Variants in CEP128 observed in about 807,000 individuals in gnomAD.
CEP128 encodes the protein centrosomal protein 128, also known as centrosomal protein 128kDa.
A neutral mutation model predicts 156.7 loss-of-function variants in CEP128; 132 were observed. The observed-to-expected ratio is 0.84, with a 90% CI of 0.73 to 0.97. CEP128 has a LOEUF of 0.97. Ranked by LOEUF, CEP128 falls within the 50% of genes least tolerant of loss-of-function variation. CEP128 has a pLI of 0.00. For synonymous variants in CEP128, 469 were observed against 448.9 expected, an observed-to-expected ratio of 1.04 and a Z score of -0.57; for missense variants, 1,252 against 1,281.9, an observed-to-expected ratio of 0.98 and a Z score of 0.36.
In CEP128 at chr14:80,845,770, T is replaced by C. The variant is rs567667694; in HGVS notation, c.763-5002A>G. Among the ~76,000 whole-genome samples, 82 of 152,314 alleles carry C rather than the reference T, an allele frequency of 5.4e-4. 2 individuals carry two copies. In the South Asian group the frequency reaches 0.017, roughly 31 times the overall value. ...CTAAGCCAATGAATAAGTCTATCTG[T>C]AGCAAAACGGTTTTTGTTTGTACAA... is the stretch of plus-strand genomic sequence containing the variant. On this transcript the variant is annotated intron_variant, in intron 9 of 24. Transcript: ENST00000555265.
At chr14:80,778,288 T>C (rs1413686184) in intron 15 of CEP128, among the ~76,000 whole-genome samples, 1 of 152,160 alleles carries the variant, frequency 6.6e-6, no homozygotes, top group African/African-American at 2.4e-5. Context: ...ATAACAGATA[T>C]GAATAGTAAG....
At chr14:80,914,236 T>G in intron 4 of CEP128, 86 bp downstream of exon 4, 1 of 904,678 alleles carries the variant, frequency 1.1e-6, no homozygotes, top group Admixed American at 1.9e-5. Context: ...AATGGTTTTT[T>G]CCTTTAGCTC....
intron 19 of CEP128, among the ~76,000 whole-genome samples, chr14:80,591,024 G>C (rs1595055326): frequency 1.3e-5 from 2 of 149,226 alleles, no homozygotes; most frequent in African/African-American, 4.9e-5. Context: ...ATACGGAAAG[G>C]AAAAACCAGT....
chr14:80,776,386 T>C (rs953320751), intron 16 of CEP128, among the ~76,000 whole-genome samples: 2 of 151,546 alleles, frequency 1.3e-5, no homozygotes, highest in African/African-American at 2.4e-5. Context: ...TTCAAGACTA[T>C]AGGCCTAAAT....
intron 23 of CEP128, 33 bp from the exon 24 acceptor site, chr14:80,505,053 T>G (rs945360146): frequency 4.1e-5 from 47 of 1,144,878 alleles, no homozygotes; most frequent in Non-Finnish European, 5.9e-5. Flanking sequence ...TTTCAATGAT[T>G]ACACAAGGTA....
intron 15 of CEP128, among the ~76,000 whole-genome samples, chr14:80,781,953 G>C (rs138202133): frequency 3.9e-5 from 6 of 152,280 alleles, no homozygotes; most frequent in Non-Finnish European, 8.8e-5. Flanking sequence ...ATAAGTACTA[G>C]TGAGAAGGAA....
intron 22 of CEP128, among the ~76,000 whole-genome samples, chr14:80,528,086 G>A (rs1208024461): frequency 6.6e-6 from 1 of 151,856 alleles, no homozygotes; most frequent in African/African-American, 2.4e-5. Context: ...CAAGCTAGAA[G>A]GGGTATTATA....
chr14:80,635,849 G>C (rs1027867153), intron 19 of CEP128, among the ~76,000 whole-genome samples: 13 of 152,160 alleles, frequency 8.5e-5, no homozygotes, highest in Non-Finnish European at 2.9e-5. Flanking sequence ...ATAGGCTGCA[G>C]TCAAAATGCA....
chr14:80,521,713 T>C (rs1292037375), intron 23 of CEP128, among the ~76,000 whole-genome samples: 1 of 152,202 alleles, frequency 6.6e-6, no homozygotes, highest in Non-Finnish European at 1.5e-5. Flanking sequence ...TTAGAAAGGC[T>C]GAAACTAGAA....
chr14:80,895,811 A>AAAAAG, intron 7 of CEP128, 21 bp from the exon 8 acceptor site: 1 of 1,479,342 alleles, frequency 6.8e-7, no homozygotes, highest in Non-Finnish European at 9.0e-7. Context: ...AAAAAAAAAA[A>AAAAAG]AGATTTAAAT....
rs557779397 is a variant in CEP128 at position 80,841,756 on chromosome 14, C to T, written c.763-988G>A. ...AGAGACAGGATATAGATTCTGGCTGCCTGCCTCTTAACAACTGAGGGCACT... is the reference window on the plus strand; with the variant it reads ...AGAGACAGGATATAGATTCTGGCTGTCTGCCTCTTAACAACTGAGGGCACT... On this transcript the variant is annotated intron_variant, in intron 9 of 24. Coordinates refer to ENST00000555265, the MANE Select transcript of CEP128 (RefSeq NM_152446.5). Among the ~76,000 whole-genome samples the T allele has an allele frequency of 9.2e-5, 14 of 151,998 alleles. No homozygotes were observed. In the South Asian group the frequency reaches 2.9e-3, roughly 32 times the overall value.
At chr14:80,914,590 C>G (rs1378359005) in intron 3 of CEP128, among the ~76,000 whole-genome samples, 182 bp from the exon 4 acceptor site, 2 of 152,152 alleles carry the variant, frequency 1.3e-5, no homozygotes, top group African/African-American at 4.8e-5. Context: ...GAGAGAAACT[C>G]AAATCCAACT....
At chr14:80,597,031 C>T (rs981945482) in intron 19 of CEP128, among the ~76,000 whole-genome samples, 6 of 149,562 alleles carry the variant, frequency 4.0e-5, no homozygotes, top group African/African-American at 1.5e-4. Flanking sequence ...AACAAAAAAC[C>T]AGCAAGCAGA....
intron 14 of CEP128, among the ~76,000 whole-genome samples, chr14:80,484,040 A>C (rs561358226): frequency 1.5e-3 from 234 of 152,226 alleles, no homozygotes; most frequent in African/African-American, 5.3e-3. Flanking sequence ...GCAGTGGCAC[A>C]ATCACAGCTC....
At position 80,698,575 on chromosome 14, in the gene CEP128, G is replaced by A. The variant is rs200328164; in HGVS notation, c.2806+44500C>T. 9.2e-5 allele frequency among the ~76,000 whole-genome samples: 14 copies of A among 152,146 alleles called. No individual in the cohort carries two copies. The East Asian group carries it at 2.5e-3, about 27-fold the overall frequency. ...TCAACTACTGAACTCAAAAGACTACGAAAAATGCAAATGCATAGATATTAA... is the reference window on the plus strand; with the variant it reads ...TCAACTACTGAACTCAAAAGACTACAAAAAATGCAAATGCATAGATATTAA... On this transcript the variant is annotated intron_variant, in intron 19 of 24. Coordinates refer to ENST00000555265, the MANE Select transcript of CEP128 (RefSeq NM_152446.5).
chr14:80,486,725 AAAG>A (rs1240212412), downstream of CEP128, among the ~76,000 whole-genome samples: 1 of 152,176 alleles, frequency 6.6e-6, no homozygotes, highest in African/African-American at 2.4e-5. Flanking sequence ...CAACATTCTT[AAAG>A]AAAAGAATTT....
upstream of CEP128, among the ~76,000 whole-genome samples, chr14:80,944,872 CAAAACA>C (rs1886300916): frequency 2.5e-4 from 9 of 36,328 alleles, no homozygotes; most frequent in South Asian, 1.1e-3. Flanking sequence ...AAAAACAGAA[CAAAACA>C]AAAAAAAAAA....
At chr14:80,482,415 A>C (rs1887073239) in intron 14 of CEP128, among the ~76,000 whole-genome samples, 1 of 152,202 alleles carries the variant, frequency 6.6e-6, no homozygotes, top group African/African-American at 2.4e-5. Flanking sequence ...GCACTTTCTT[A>C]GTTATAATGT....
intron 19 of CEP128, among the ~76,000 whole-genome samples, chr14:80,600,158 C>T (rs1892520873): frequency 6.6e-6 from 1 of 152,032 alleles, no homozygotes; most frequent in African/African-American, 2.4e-5. Context: ...AAATGACACT[C>T]CCATAAGGAG....
Sources: allele counts gnomAD v4.1 joint callset (sites outside exome capture counted in the v4.1 genomes callset), GRCh38; gene constraint gnomAD v4.1.1; transcripts MANE v1.5; gene names NCBI Gene and HGNC (gene_info 2026-07-23, HGNC 2026-07-21).